Variants in KCNJ6 observed in about 807,000 individuals in gnomAD.
KCNJ6 encodes G protein-activated inward rectifier potassium channel 2.
KCNJ6 carries 9 observed loss-of-function variants against 34.2 expected under a neutral mutation model. The ratio of observed to expected loss-of-function variants is 0.26; its 90% CI spans 0.16 to 0.46. KCNJ6 has a LOEUF of 0.46. Among genes scored for constraint, KCNJ6 ranks in the 20% least tolerant of loss-of-function variants. The pLI, the probability that KCNJ6 is intolerant of heterozygous loss-of-function variation, is 1.00. For missense variants in KCNJ6, 236 were observed against 531.3 expected (o/e 0.44, Z 5.46); for synonymous variants, 196 against 207.1 (o/e 0.95, Z 0.46).
At chr21:37,656,356 A>T (rs1459606783) in intron 3 of KCNJ6, among the ~76,000 whole-genome samples, 2 of 152,180 alleles carry the variant, frequency 1.3e-5, no homozygotes, top group Non-Finnish European at 2.9e-5. Context: ...ATGAATGCTA[A>T]GGGGCTGCCT....
rs566044884 is a variant in KCNJ6 at position 37,797,707 on chromosome 21, C to A, written c.25+42951G>T. On this transcript the variant is annotated intron_variant, in intron 2 of 3. Transcript: ENST00000609713. Reference sequence around the variant, plus strand: ...TCGGGGTTGCCTGTGTTTTCCAGTCCTAAGGGAAGGTCAGCAGATAAGTGG... The same window carrying A: ...TCGGGGTTGCCTGTGTTTTCCAGTCATAAGGGAAGGTCAGCAGATAAGTGG... 1.2e-4 allele frequency among the ~76,000 whole-genome samples: 18 copies of A among 152,200 alleles called. No individual in the cohort carries two copies. In the South Asian group the frequency reaches 3.7e-3, roughly 32 times the overall value.
In KCNJ6 at chr21:37,705,160, G is replaced by A. The variant is rs112025899; in HGVS notation, c.946+9051C>T. Among the ~76,000 whole-genome samples, 1,179 of 152,244 alleles carry A rather than the reference G, an allele frequency of 7.7e-3. 7 individuals carry two copies. The highest frequency in any genetic ancestry group is 0.012 in the Non-Finnish European group (820 of 68,018). On this transcript the variant is annotated intron_variant, in intron 3 of 3. Transcript: ENST00000609713. ...TATATATCATTGAGCCATAGTTGTC[G>A]GTGCATTAATGAACTCGAATCAATA...
rs1020403126 is a variant in KCNJ6, at chr21:37,717,427, G to GT, written c.26-2297dup. ...CCATGTCCTTCTCACTGGAGATGGG[G>GT]TGGGTGTATGGATGGAGGCAAAGGC... On this transcript the variant is annotated intron_variant, in intron 2 of 3. Transcript: ENST00000609713. 2.1e-4 allele frequency among the ~76,000 whole-genome samples: 32 copies of GT among 150,508 alleles called. 1 individual carries two copies. Among genetic ancestry groups the GT allele is most frequent in the African/African-American group, 7.7e-4 (32 of 41,356 alleles).
chr21:37,648,516 G>A (rs1457447184), intron 3 of KCNJ6, among the ~76,000 whole-genome samples: 1 of 152,114 alleles, frequency 6.6e-6, no homozygotes, highest in African/African-American at 2.4e-5. Context: ...TTTAGAGTGG[G>A]GGACAAAATC....
intron 2 of KCNJ6, among the ~76,000 whole-genome samples, chr21:37,807,512 C>T (rs1352964857): frequency 2.6e-5 from 4 of 152,132 alleles, no homozygotes; most frequent in South Asian, 2.1e-4. Flanking sequence ...ACAGTGGTCC[C>T]GTAAGATTAT....
At chr21:37,626,209 C>T (rs377653094) in intron 3 of KCNJ6, among the ~76,000 whole-genome samples, 3 of 150,666 alleles carry the variant, frequency 2.0e-5, no homozygotes, top group South Asian at 2.1e-4. Flanking sequence ...CGGCTCACTG[C>T]GACCTCCACC....
At chr21:37,702,509 C>T (rs765142227) in intron 3 of KCNJ6, among the ~76,000 whole-genome samples, 17 of 152,094 alleles carry the variant, frequency 1.1e-4, no homozygotes, top group Admixed American at 2.6e-4. Context: ...GATGAAGAGC[C>T]GAACAGCCTC....
intron 2 of KCNJ6, among the ~76,000 whole-genome samples, chr21:37,720,565 G>A (rs1256498748): frequency 3.9e-5 from 6 of 152,296 alleles, no homozygotes; most frequent in East Asian, 3.9e-4. Context: ...TAAGGAGAAC[G>A]GGACAGATGT....
chr21:37,668,061 C>T (rs765535354), intron 3 of KCNJ6, among the ~76,000 whole-genome samples: 9 of 152,268 alleles, frequency 5.9e-5, no homozygotes, highest in South Asian at 2.1e-4. Context: ...GATCAGTGGG[C>T]GCAGCTGAGA....
chr21:37,825,442 C>T (rs1442000953), intron 2 of KCNJ6, among the ~76,000 whole-genome samples: 1 of 152,098 alleles, frequency 6.6e-6, no homozygotes. Flanking sequence ...AAATGTTATC[C>T]TATGGATAAC....
At chr21:37,636,524 T>A (rs937257128) in intron 3 of KCNJ6, among the ~76,000 whole-genome samples, 9 of 152,204 alleles carry the variant, frequency 5.9e-5, no homozygotes, top group South Asian at 4.1e-4. Flanking sequence ...GGGACATGCA[T>A]GCAAACAACC....
chr21:37,753,549 C>A (rs554328744), intron 2 of KCNJ6, among the ~76,000 whole-genome samples: 26 of 149,548 alleles, frequency 1.7e-4, no homozygotes, highest in African/African-American at 6.4e-4. Context: ...TGGCAACCAC[C>A]AAGGAACACG....
intron 2 of KCNJ6, among the ~76,000 whole-genome samples, chr21:37,834,754 G>T (rs2055443643): frequency 6.6e-6 from 1 of 152,200 alleles, no homozygotes; most frequent in Non-Finnish European, 1.5e-5. Flanking sequence ...TGTTTCTTTA[G>T]TCATAGGAGG....
intron 2 of KCNJ6, among the ~76,000 whole-genome samples, chr21:37,743,077 G>C (rs2054949159): frequency 6.6e-6 from 1 of 152,142 alleles, no homozygotes; most frequent in African/African-American, 2.4e-5. Flanking sequence ...TTTAGTTTCT[G>C]TCCTCACCAC....
At chr21:37,722,464 A>T (rs1262843753) in intron 2 of KCNJ6, among the ~76,000 whole-genome samples, 1 of 152,250 alleles carries the variant, frequency 6.6e-6, no homozygotes, top group Non-Finnish European at 1.5e-5. Context: ...GGAACCAAAA[A>T]ACCTGAATAG....
intron 1 of KCNJ6, among the ~76,000 whole-genome samples, chr21:37,843,738 C>T (rs967485494): frequency 6.6e-6 from 1 of 152,110 alleles, no homozygotes; most frequent in Non-Finnish European, 1.5e-5. Flanking sequence ...AAACTGAAGC[C>T]CAGGGAAGAG....
intron 2 of KCNJ6, among the ~76,000 whole-genome samples, chr21:37,796,960 A>AT (rs901356330): frequency 6.7e-6 from 1 of 150,158 alleles, no homozygotes; most frequent in African/African-American, 2.5e-5. Context: ...CGCCCGGCTA[A>AT]TTTTTTGTAT....
chr21:37,754,855 T>C (rs896588300), intron 2 of KCNJ6, among the ~76,000 whole-genome samples: 1 of 152,216 alleles, frequency 6.6e-6, no homozygotes, highest in Non-Finnish European at 1.5e-5. Context: ...TTGGGGGCTG[T>C]TCCTAGGACT....
At chr21:37,647,287 G>A (rs531750950) in intron 3 of KCNJ6, among the ~76,000 whole-genome samples, 1 of 152,122 alleles carries the variant, frequency 6.6e-6, no homozygotes, top group Admixed American at 6.5e-5. Flanking sequence ...ACTTCTAAGA[G>A]TGTCCTATTA....
Sources: allele counts gnomAD v4.1 joint callset (sites outside exome capture counted in the v4.1 genomes callset), GRCh38; gene constraint gnomAD v4.1.1; transcripts MANE v1.5; gene names NCBI Gene and HGNC (gene_info 2026-07-23, HGNC 2026-07-21).